Variants in VRTN observed in about 807,000 individuals in gnomAD.
VRTN encodes vertebrae development associated.
VRTN carries 5 observed loss-of-function variants against 18.2 expected under a neutral mutation model. The ratio of observed to expected loss-of-function variants is 0.27; its 90% CI spans 0.14 to 0.58. The LOEUF (loss-of-function observed/expected upper bound fraction) is 0.58. Among genes scored for constraint, VRTN ranks in the 20% least tolerant of loss-of-function variants. The pLI, the probability that VRTN is intolerant of heterozygous loss-of-function variation, is 0.91. For synonymous variants in VRTN, 381 were observed against 393.7 expected, an observed-to-expected ratio of 0.97 and a Z score of 0.38; for missense variants, 741 against 939.4, an observed-to-expected ratio of 0.79 and a Z score of 2.76.
In VRTN at chr14:74,357,983, C is replaced by T. The variant is rs147256531; in HGVS notation, c.1200C>T (p.Val400=). 2 of 1,614,230 alleles carry T rather than the reference C, an allele frequency of 1.2e-6. No homozygotes were observed. The highest frequency in any genetic ancestry group is 1.7e-6 in the Non-Finnish European group (2 of 1,180,036). The change falls in exon 2 of 2, where the codon GTC becomes GTT. Residue 400 remains valine, a synonymous_variant. Transcript: ENST00000256362. The surrounding 1 kb of genome is among the most constrained non-coding windows in gnomAD (Gnocchi z 7.8). ...TGGCGGTGTCAAGCCCTGGAATGGT[C>T]TTAATGCAGCGGGCCAAGTTGTACC... is the stretch of plus-strand genomic sequence containing the variant. ...SALAVSSPGM[V]LMQRAKLYLE...
At chr14:74,354,174 C>T (rs2085707092) in intron 1 of VRTN, among the ~76,000 whole-genome samples, 1 of 152,158 alleles carries the variant, frequency 6.6e-6, no homozygotes, top group Non-Finnish European at 1.5e-5. Flanking sequence ...TTTCTCATAT[C>T]TTTCTATATT....
chr14:74,356,764 T>C lies in VRTN; in HGVS notation c.-1-19T>C. 2.6e-6 allele frequency: 4 copies of C among 1,565,672 alleles called. No homozygotes were observed. The highest frequency in any genetic ancestry group is 3.5e-6 in the Non-Finnish European group (4 of 1,154,632). On this transcript the variant is annotated intron_variant, in intron 1 of 1. Coordinates refer to ENST00000256362, the MANE Select transcript of VRTN (RefSeq NM_018228.3). ...GCACTTCGACCTGACTACTGCCCCT[T>C]TATCTTTTGCCCTGGCAGGATGACT... is the stretch of plus-strand genomic sequence containing the variant.
At chr14:74,335,916 T>C (rs2085560904) in intron 1 of VRTN, among the ~76,000 whole-genome samples, 1 of 151,660 alleles carries the variant, frequency 6.6e-6, no homozygotes, top group African/African-American at 2.4e-5. Flanking sequence ...AATTTTTGTG[T>C]CTTTAGTAGA....
At chr14:74,347,772 G>A (rs1013895364), upstream of VRTN, among the ~76,000 whole-genome samples, 17 of 152,200 alleles carry the variant, frequency 1.1e-4, no homozygotes, top group Non-Finnish European at 1.3e-4. Context: ...CAGGTACTGC[G>A]TGCCCCCACC....
Position 74,358,768 on chromosome 14 carries a change from G to T in VRTN, c.1985G>T (p.Arg662Leu). The change falls in exon 2 of 2, where the codon CGC becomes CTC. Residue 662 changes from arginine (R) to leucine (L), a missense_variant. This residue lies in a region of VRTN where 61 missense variants were observed against 104.6 expected (regional missense o/e 0.58). Coordinates refer to ENST00000256362, the MANE Select transcript of VRTN (RefSeq NM_018228.3). The surrounding 1 kb of genome is among the most constrained non-coding windows in gnomAD (Gnocchi z 5.4). ...CAGGCCAAGCTGTTCTTGCAGAAGC[G>T]CTTCCAGTCCAAGAGCTTTCCCTCC... is the stretch of plus-strand genomic sequence containing the variant. ...KAQAKLFLQK[R>L]FQSKSFPSYK... 1 of 1,614,212 alleles carries T rather than the reference G, an allele frequency of 6.2e-7. No individual in the cohort carries two copies. Among genetic ancestry groups the T allele is most frequent in the Non-Finnish European group, 8.5e-7 (1 of 1,180,040 alleles).
upstream of VRTN, among the ~76,000 whole-genome samples, chr14:74,345,779 C>A (rs899883945): frequency 6.6e-6 from 1 of 151,180 alleles, no homozygotes; most frequent in Non-Finnish European, 1.5e-5. Context: ...CAAAAATTAG[C>A]TGGGTGTGGT....
chr14:74,309,177 A>G lies in VRTN; in HGVS notation c.-164+6001A>G, dbSNP rs74878006. Among the ~76,000 whole-genome samples, 345 of 152,006 alleles carry G rather than the reference A, an allele frequency of 2.3e-3. 20 individuals carry two copies. In the East Asian group the frequency reaches 0.061, roughly 27 times the overall value. On this transcript the variant is annotated intron_variant, in intron 1 of 2. Coordinates refer to the VRTN transcript ENST00000557177. ...ACCACCCTTTATTGTTTCCTTCCAC[A>G]GCACCCCACTTTTTCCTGCTTCTAG...
chr14:74,357,763 G>A lies in VRTN; in HGVS notation c.980G>A (p.Gly327Glu). 1.2e-6 allele frequency: 2 copies of A among 1,613,134 alleles called. No individual in the cohort carries two copies. Among genetic ancestry groups the A allele is most frequent in the South Asian group, 2.2e-5 (2 of 91,084 alleles). The change falls in exon 2 of 2, where the codon GGG (glycine) becomes GAG (glutamate). Residue 327 changes from glycine (G) to glutamate (E), a missense_variant. Gly to Glu is a moderately conservative substitution (Grantham distance 98, BLOSUM62 -2). Coordinates refer to ENST00000256362, the MANE Select transcript of VRTN (RefSeq NM_018228.3). This position sits in a 1 kb window ranked among gnomAD's most constrained non-coding sequence, Gnocchi z 7.8. ...KHFLQDSFHR[G>E]GVVPLQQFLQ... is the part of the protein sequence containing the mutation. ...TTCCTGCAGGACAGCTTCCACCGGG[G>A]GGGCGTCGTGCCACTTCAGCAGTTC... is the stretch of plus-strand genomic sequence containing the variant.
At chr14:74,340,162 G>C (rs1276546272) in intron 2 of VRTN, among the ~76,000 whole-genome samples, 12 of 148,686 alleles carry the variant, frequency 8.1e-5, no homozygotes, top group Non-Finnish European at 3.0e-5. Context: ...GCCCAGGCTG[G>C]AGTGCAAGGG....
chr14:74,353,053 G>C lies in VRTN; in HGVS notation c.-1-3730G>C, dbSNP rs573219240. Among the ~76,000 whole-genome samples, 37 of 152,248 alleles carry C rather than the reference G, an allele frequency of 2.4e-4. 1 individual carries two copies. Among genetic ancestry groups the C allele is most frequent in the African/African-American group, 8.9e-4 (37 of 41,546 alleles). On this transcript the variant is annotated intron_variant, in intron 1 of 1. Transcript: ENST00000256362. ...CGCCTGTAATCCCAGCACTTTGGGAGGCCAAGGTGGGTGGATCACCTGAGG... is the reference window on the plus strand; with the variant it reads ...CGCCTGTAATCCCAGCACTTTGGGACGCCAAGGTGGGTGGATCACCTGAGG...
At chr14:74,331,168 C>T (rs893933725) in intron 1 of VRTN, among the ~76,000 whole-genome samples, 1 of 150,524 alleles carries the variant, frequency 6.6e-6, no homozygotes, top group Admixed American at 6.7e-5. Context: ...CGCCACTGCA[C>T]TCCAGACTGG....
At chr14:74,342,491 G>GTA (rs368731845) in intron 2 of VRTN, among the ~76,000 whole-genome samples, 1 of 151,938 alleles carries the variant, frequency 6.6e-6, no homozygotes, top group Non-Finnish European at 1.5e-5. Context: ...ACACGTGAAT[G>GTA]TATATATGTG....
chr14:74,303,847 T>TTTTTG, intron 1 of VRTN, among the ~76,000 whole-genome samples: 1 of 144,836 alleles, frequency 6.9e-6, no homozygotes, highest in Admixed American at 6.9e-5. Context: ...TTACAGATTT[T>TTTTTG]TTTTTTTTTT....
chr14:74,307,374 C>T (rs2085360081), intron 1 of VRTN, among the ~76,000 whole-genome samples: 1 of 151,818 alleles, frequency 6.6e-6, no homozygotes, highest in South Asian at 2.1e-4. Flanking sequence ...AGTTGATCCA[C>T]GCGCCTCCAC....
Position 74,359,078 on chromosome 14 carries a change from G to C in VRTN, c.*186G>C. 1 of 1,189,694 alleles carries C rather than the reference G, an allele frequency of 8.4e-7. No individual in the cohort carries two copies. Among genetic ancestry groups the C allele is most frequent in the Non-Finnish European group, 1.1e-6 (1 of 899,268 alleles). The allele number at this position is 1,189,694 out of a possible 1,614,324, so 73.7% of individuals were successfully genotyped here. ...AGAGAATGCCAGAAATCAGCCATCT[G>C]GTCTCCCGTAGGAAACTGTGGGACC... On this transcript the variant is annotated 3_prime_UTR_variant, in exon 2 of 2. Transcript: ENST00000256362.
chr14:74,319,168 G>A (rs1351035127), intron 1 of VRTN, among the ~76,000 whole-genome samples: 2 of 152,096 alleles, frequency 1.3e-5, no homozygotes, highest in Non-Finnish European at 2.9e-5. Flanking sequence ...GAGTAGCTGG[G>A]ATTACAGGCA....
intron 1 of VRTN, among the ~76,000 whole-genome samples, chr14:74,332,648 C>T (rs2085535573): frequency 6.6e-6 from 1 of 151,950 alleles, no homozygotes; most frequent in Admixed American, 6.6e-5. Flanking sequence ...TGACACCATG[C>T]CTGGCCTCCT....
At chr14:74,326,925 G>A (rs2085491793) in intron 1 of VRTN, among the ~76,000 whole-genome samples, 1 of 152,048 alleles carries the variant, frequency 6.6e-6, no homozygotes, top group Non-Finnish European at 1.5e-5. Flanking sequence ...TAGAATCCAG[G>A]GCTGAAGGTG....
chr14:74,330,089 A>C (rs962165407), intron 1 of VRTN, among the ~76,000 whole-genome samples: 2 of 151,286 alleles, frequency 1.3e-5, no homozygotes, highest in East Asian at 3.9e-4. Context: ...TGGCCAAACT[A>C]GTCTTGAGCT....
Sources: allele counts gnomAD v4.1 joint callset (sites outside exome capture counted in the v4.1 genomes callset), GRCh38; gene constraint gnomAD v4.1.1; regional missense constraint gnomAD v4.1.1; non-coding constraint Gnocchi (gnomAD v3.1); transcripts MANE v1.5; gene names NCBI Gene and HGNC (gene_info 2026-07-23, HGNC 2026-07-21).